Variants in LIFR observed in about 807,000 individuals in gnomAD.
LIFR encodes LIF receptor subunit alpha, also known as leukemia inhibitory factor receptor.
In LIFR, 84 loss-of-function variants were observed where a neutral mutation model predicts 122.2. That is an observed-to-expected ratio of 0.69 (90% confidence interval 0.58 to 0.82). The LOEUF is 0.82. Ranked by LOEUF, LIFR falls within the 40% of genes least tolerant of loss-of-function variation. LIFR has a pLI of 0.00. For synonymous variants in LIFR, 422 were observed against 434.7 expected, an observed-to-expected ratio of 0.97 and a Z score of 0.36; for missense variants, 1,294 against 1,311.6, an observed-to-expected ratio of 0.99 and a Z score of 0.21.
chr5:38,584,920 T>C (rs1474850472), intron 1 of LIFR, among the ~76,000 whole-genome samples: 1 of 152,176 alleles, frequency 6.6e-6, no homozygotes, highest in Non-Finnish European at 1.5e-5. Flanking sequence ...ATTTGCTTCA[T>C]TATAGCAACC....
intron 5 of LIFR, among the ~76,000 whole-genome samples, chr5:38,513,864 C>A (rs567935886): frequency 6.6e-6 from 1 of 151,456 alleles, no homozygotes; most frequent in African/African-American, 2.4e-5. Flanking sequence ...CCAGGATGAC[C>A]AGAAAGTGTA....
At chr5:38,500,726 C>G (rs4146505) in intron 11 of LIFR, among the ~76,000 whole-genome samples, 1 of 152,140 alleles carries the variant, frequency 6.6e-6, no homozygotes. Flanking sequence ...TTGGAGACAA[C>G]AGCTCATTAA....
chr5:38,516,583 A>G (rs1473174102), intron 5 of LIFR, among the ~76,000 whole-genome samples: 1 of 152,204 alleles, frequency 6.6e-6, no homozygotes, highest in African/African-American at 2.4e-5. Flanking sequence ...ATGTGGAGAA[A>G]TAGGAATGCT....
At chr5:38,604,721 A>G (rs1750291570) in intron 2 of LIFR, among the ~76,000 whole-genome samples, 1 of 151,998 alleles carries the variant, frequency 6.6e-6, no homozygotes, top group South Asian at 2.1e-4. Context: ...ACAAAACAAA[A>G]AACAAGTTTA....
chr5:38,486,055 C>G, intron 16 of LIFR, 75 bp from the exon 17 acceptor site: 1 of 1,371,752 alleles, frequency 7.3e-7, no homozygotes. Flanking sequence ...ACCTGTCTCA[C>G]CAACTGCCCT....
At position 38,480,931 on chromosome 5, in the gene LIFR, GGTCA is replaced by G. The variant is rs1743951508; in HGVS notation, c.*660_*663del. ...AGAAAACATGATTATGATTTGGGCT[GGTCA>G]GTGTCACACTTGTTTTCAAAGTTTG... On this transcript the variant is annotated 3_prime_UTR_variant, in exon 20 of 20. Transcript: ENST00000453190. 1 of 220,760 alleles carries G rather than the reference GGTCA, an allele frequency of 4.5e-6. No homozygotes were observed. The highest frequency in any genetic ancestry group is 9.1e-6 in the Non-Finnish European group (1 of 110,032). 13.7% of individuals were successfully genotyped at this position (220,760 alleles called of 1,614,324 possible).
At chr5:38,536,011 A>G (rs184800763) in intron 1 of LIFR, among the ~76,000 whole-genome samples, 66 of 152,338 alleles carry the variant, frequency 4.3e-4, no homozygotes, top group African/African-American at 1.4e-3. Context: ...CACAGTTTCA[A>G]TATTTGCTCA....
chr5:38,499,922 G>C (rs1745088616), intron 11 of LIFR, among the ~76,000 whole-genome samples: 1 of 152,026 alleles, frequency 6.6e-6, no homozygotes, highest in African/African-American at 2.4e-5. Flanking sequence ...CAGGCTCTCT[G>C]CATCTTCTGT....
chr5:38,517,952 A>C (rs114357812), intron 5 of LIFR, among the ~76,000 whole-genome samples: 6,908 of 148,736 alleles, frequency 0.046, 436 homozygotes, highest in East Asian at 0.27. Flanking sequence ...GAAAAAAAAA[A>C]AAACAAACAA....
upstream of LIFR, among the ~76,000 whole-genome samples, chr5:38,599,363 T>C (rs1345229940): frequency 2.0e-5 from 3 of 152,198 alleles, no homozygotes; most frequent in Non-Finnish European, 4.4e-5. Context: ...AAAGGGTCAC[T>C]GGCTCAGTTA....
chr5:38,584,932 T>G (rs1749699035), intron 1 of LIFR, among the ~76,000 whole-genome samples: 1 of 152,174 alleles, frequency 6.6e-6, no homozygotes, highest in Non-Finnish European at 1.5e-5. Flanking sequence ...ATAGCAACCG[T>G]TTTACTATCT....
chr5:38,543,066 C>A (rs140305730), intron 1 of LIFR, among the ~76,000 whole-genome samples: 1 of 152,022 alleles, frequency 6.6e-6, no homozygotes, highest in East Asian at 1.9e-4. Context: ...AAGATGAATA[C>A]CTTCAATAGA....
chr5:38,493,022 T>A (rs369948323), intron 14 of LIFR, among the ~76,000 whole-genome samples: 94 of 152,288 alleles, frequency 6.2e-4, no homozygotes, highest in African/African-American at 2.1e-3. Flanking sequence ...CTCCTGAGCA[T>A]CAGGCTCATG....
In LIFR at chr5:38,530,618, T is replaced by A. The variant is rs1455638862; in HGVS notation, c.30A>T (p.Arg10=). The A allele has an allele frequency of 3.7e-6, 6 of 1,613,768 alleles. No individual in the cohort carries two copies. In the South Asian group the frequency reaches 5.5e-5, roughly 15 times the overall value. ...TTTTATTGTCCACCATCCAGGATGG[T>A]CGTTTCAAACATACGTAAATATCCA... MMDIYVCLK[R]PSWMVDNKRM... is the part of the protein sequence containing the mutation. The change falls in exon 2 of 20, where the codon CGA becomes CGT. Residue 10 remains arginine, a synonymous_variant. Coordinates refer to ENST00000453190, the MANE Select transcript of LIFR (RefSeq NM_001127671.2).
chr5:38,543,867 G>A (rs888548008), intron 1 of LIFR, among the ~76,000 whole-genome samples: 11 of 151,826 alleles, frequency 7.2e-5, no homozygotes, highest in Admixed American at 3.9e-4. Flanking sequence ...CCAGATATAC[G>A]TACAACTTGT....
rs577814284 is a variant in LIFR, at chr5:38,605,771, A to C, written n.305+434T>G. On this transcript the variant is annotated intron_variant and non_coding_transcript_variant, in intron 2 of 3. Coordinates refer to the LIFR transcript ENST00000507786. Reference sequence around the variant, plus strand: ...GCTGATTGTTTCCTTTGGAAAGGCTAATCAGAAATTCCAAAGATTGCAACC... The same window carrying C: ...GCTGATTGTTTCCTTTGGAAAGGCTCATCAGAAATTCCAAAGATTGCAACC... 2.6e-5 allele frequency among the ~76,000 whole-genome samples: 4 copies of C among 152,304 alleles called. No homozygotes were observed. In the East Asian group the frequency reaches 5.8e-4, roughly 22 times the overall value.
At chr5:38,604,251 C>T (rs1354402659) in intron 2 of LIFR, among the ~76,000 whole-genome samples, 3 of 152,126 alleles carry the variant, frequency 2.0e-5, no homozygotes, top group Admixed American at 6.5e-5. Context: ...ATTAACTAGT[C>T]CTACTGAACT....
chr5:38,512,205 A>T (rs1239616042), intron 5 of LIFR, among the ~76,000 whole-genome samples: 1 of 152,196 alleles, frequency 6.6e-6, no homozygotes, highest in Admixed American at 6.5e-5. Context: ...TCATTGAAAC[A>T]TTCAATTTGG....
chr5:38,515,239 G>C (rs928201230), intron 5 of LIFR, among the ~76,000 whole-genome samples: 1 of 152,066 alleles, frequency 6.6e-6, no homozygotes, highest in African/African-American at 2.4e-5. Flanking sequence ...GGCCACAAGC[G>C]GTCTCGGCTA....
Sources: gnomAD v4.1 joint callset for allele counts (sites outside exome capture counted in the v4.1 genomes callset) on GRCh38, gnomAD v4.1.1 for gene constraint, MANE v1.5 for transcripts, NCBI Gene and HGNC (gene_info 2026-07-23, HGNC 2026-07-21) for gene names.